The following ONECUT3 variants were observed in gnomAD, a reference collection of about 807,000 sequenced individuals.
ONECUT3 encodes one cut homeobox 3, also known as one cut domain family member 3.
In ONECUT3, 11 loss-of-function variants were observed where a neutral mutation model predicts 16.8. The observed-to-expected ratio is 0.66, with a 90% CI of 0.41 to 1.09. The LOEUF (loss-of-function observed/expected upper bound fraction) is 1.09. ONECUT3 is among the 50% of genes least tolerant of loss of function. The pLI is 0.00. For missense variants in ONECUT3, 637 were observed against 629.9 expected, an observed-to-expected ratio of 1.01 and a Z score of -0.12; for synonymous variants, 344 against 310.7, an observed-to-expected ratio of 1.11 and a Z score of -1.13.
chr19:1,758,735 G>A lies in ONECUT3; in HGVS notation c.1192+3881G>A, dbSNP rs1458178377. On this transcript the variant is annotated intron_variant, in intron 1 of 1. Transcript: ENST00000382349. The surrounding 1 kb of genome is among the most constrained non-coding windows in gnomAD (Gnocchi z 5.9). ...CTGGTCAAAGCTCTCCCCTGGCGCC[G>A]TCTCCAACAGTAATTATGGGAGAGG... 1.3e-5 allele frequency among the ~76,000 whole-genome samples: 2 copies of A among 150,340 alleles called. No individual in the cohort carries two copies. The highest frequency in any genetic ancestry group is 2.0e-4 in the East Asian group (1 of 5,068).
rs2068135116 is a variant in ONECUT3 at position 1,778,998 on chromosome 19, G to A, written c.*3553G>A. On this transcript the variant is annotated 3_prime_UTR_variant, in exon 2 of 2. Transcript: ENST00000382349. ...CCCGACCTGCCCGCCGGCCCCTCAG[G>A]CCCTCTCCTGCCTCCCCGCATGCCC... 1 of 151,780 alleles carries A rather than the reference G, an allele frequency of 6.6e-6. No individual in the cohort carries two copies. Among genetic ancestry groups the A allele is most frequent in the Non-Finnish European group, 1.5e-5 (1 of 68,086 alleles). The allele number at this position is 151,780 out of a possible 1,614,324, so 9.4% of individuals were successfully genotyped here.
Position 1,755,667 on chromosome 19 carries a change from A to G in ONECUT3, c.1192+813A>G, listed in dbSNP as rs1375998969. On this transcript the variant is annotated intron_variant, in intron 1 of 1. Transcript: ENST00000382349. The surrounding 1 kb of genome is among the most constrained non-coding windows in gnomAD (Gnocchi z 7.5). The stretch of plus-strand genomic sequence containing the variant: ...TTCTCTCCTCTCTCGGTCGGAACAC[A>G]CTGGTATCTCTATGTTTTTCTCTTG... Among the ~76,000 whole-genome samples, 1 of 151,958 alleles carries G rather than the reference A, an allele frequency of 6.6e-6. No homozygotes were observed. Among genetic ancestry groups the G allele is most frequent in the East Asian group, 1.9e-4 (1 of 5,174 alleles).
chr19:1,775,276 C>A lies in ONECUT3; in HGVS notation c.1316C>A (p.Pro439Gln). The A allele has an allele frequency of 1.2e-6, 2 of 1,603,548 alleles. No homozygotes were observed. The highest frequency in any genetic ancestry group is 1.7e-6 in the Non-Finnish European group (2 of 1,175,052). The change falls in exon 2 of 2, where the codon CCG becomes CAG. Residue 439 changes from proline (P) to glutamine (Q), a missense_variant. Around this residue, in one of 3 missense-constraint regions of ONECUT3, gnomAD observed 183 missense variants for 188.3 expected, o/e 0.97. Transcript: ENST00000382349. ...LIAIFKENKR[P>Q]SKEMQVTISQ... ...GCCATCTTCAAGGAGAACAAGCGGC[C>A]GTCCAAGGAGATGCAGGTCACCATC...
At position 1,753,999 on chromosome 19, in the gene ONECUT3, C is replaced by A. The variant is rs981852572; in HGVS notation, c.337C>A (p.His113Asn). ...CTACACGACGCTCACGCCCCTGCAG[C>A]ACCTGCCGCCGCTCGCGGCCGTGGC... Reference protein sequence around the residue: ...GTYTTLTPLQHLPPLAAVADK... With the variant: ...GTYTTLTPLQNLPPLAAVADK... The change falls in exon 1 of 2, where the codon CAC becomes AAC. Residue 113 changes from histidine to asparagine, a missense_variant. His to Asn is a moderately conservative substitution (Grantham distance 68, BLOSUM62 1). This residue lies in a region of ONECUT3 where 419 missense variants were observed against 377.9 expected (regional missense o/e 1.11). Coordinates refer to ENST00000382349, the MANE Select transcript of ONECUT3 (RefSeq NM_001080488.2). 88 of 994,370 alleles carry A rather than the reference C, an allele frequency of 8.8e-5. No homozygotes were observed. Among genetic ancestry groups the A allele is most frequent in the Non-Finnish European group, 1.0e-4 (84 of 837,198 alleles). 61.6% of individuals were successfully genotyped at this position (994,370 alleles called of 1,614,324 possible). A position where few individuals can be genotyped will look rare whatever the true frequency, so the allele number is the denominator to read the frequency against.
rs1338439132 is a variant in ONECUT3 at position 1,780,174 on chromosome 19, C to CT, written c.*4730dup. The CT allele has an allele frequency of 2.0e-5, 3 of 151,904 alleles. No homozygotes were observed. The highest frequency in any genetic ancestry group is 2.9e-5 in the Non-Finnish European group (2 of 68,104). 9.4% of individuals were successfully genotyped at this position (151,904 alleles called of 1,614,324 possible). A position where few individuals can be genotyped will look rare whatever the true frequency, so the allele number is the denominator to read the frequency against. On this transcript the variant is annotated 3_prime_UTR_variant, in exon 2 of 2. Transcript: ENST00000382349. ...CCCCAACAGCAGGCACCAGCACCCC[C>CT]TCCCCCCCCACCTCCACCCAGACAG...
At chr19:1,761,200 G>A (rs1227512301) in intron 1 of ONECUT3, among the ~76,000 whole-genome samples, 3 of 151,996 alleles carry the variant, frequency 2.0e-5, no homozygotes, top group South Asian at 2.1e-4. Context: ...TTACAGGCAT[G>A]AGCCACCACG....
In ONECUT3 at chr19:1,777,432, G is replaced by A. The variant is rs947563660; in HGVS notation, c.*1987G>A. 6 of 135,374 alleles carry A rather than the reference G, an allele frequency of 4.4e-5. No individual in the cohort carries two copies. The highest frequency in any genetic ancestry group is 7.8e-5 in the Non-Finnish European group (5 of 64,294). The allele number at this position is 135,374 out of a possible 1,614,324, so 8.4% of individuals were successfully genotyped here. A position where few individuals can be genotyped will look rare whatever the true frequency, so the allele number is the denominator to read the frequency against. On this transcript the variant is annotated 3_prime_UTR_variant, in exon 2 of 2. Transcript: ENST00000382349. ...CACACATGCAAAGACACGCATGCAG[G>A]CACACGCAGACGCACACAGAGACAC...
Position 1,764,800 on chromosome 19 carries a change from G to GT in ONECUT3, c.1192+9946_1192+9947insT, listed in dbSNP as rs1240338730. Among the ~76,000 whole-genome samples the GT allele has an allele frequency of 1.9e-4, 28 of 144,442 alleles. No individual in the cohort carries two copies. Among genetic ancestry groups the GT allele is most frequent in the African/African-American group, 2.8e-4 (10 of 35,942 alleles). The allele number at this position is 144,442 out of a possible 152,430, so 94.8% of individuals were successfully genotyped here. ...CTGACTCGAGTCTGGAGAGGCCACG[G>GT]GGGGGGGATGCGCAGGGGGGACAAG... On this transcript the variant is annotated intron_variant, in intron 1 of 1. Coordinates refer to ENST00000382349, the MANE Select transcript of ONECUT3 (RefSeq NM_001080488.2). The surrounding 1 kb of genome is among the most constrained non-coding windows in gnomAD (Gnocchi z 5.0).
rs1227715450 is a variant in ONECUT3 at position 1,777,830 on chromosome 19, T to TA, written c.*2390dup. ...CAACATGGTGAAACCCTGTCTCTAC[T>TA]AAAAATACAAAAAAATTAGCTGGGC... On this transcript the variant is annotated 3_prime_UTR_variant, in exon 2 of 2. Coordinates refer to ENST00000382349, the MANE Select transcript of ONECUT3 (RefSeq NM_001080488.2). The TA allele has an allele frequency of 4.0e-5, 6 of 151,790 alleles. No homozygotes were observed. The allele number at this position is 151,790 out of a possible 1,614,324, so 9.4% of individuals were successfully genotyped here. A position where few individuals can be genotyped will look rare whatever the true frequency, so the allele number is the denominator to read the frequency against.
chr19:1,753,775 T>C lies in ONECUT3; in HGVS notation c.113T>C (p.Leu38Pro). The stretch of plus-strand genomic sequence containing the variant: ...TCGGCGGCGGCGCAGCACCGCGGCC[T>C]GGTGGCGCCCGGGCGCCCGGGCCTG... ...ARSAAAQHRG[L>P]VAPGRPGLVA... Residue 38 changes from leucine (L) to proline (P), a missense_variant, in exon 1 of 2, where the codon CTG (leucine) becomes CCG (proline). Leu to Pro is a moderately conservative substitution (Grantham distance 98, BLOSUM62 -3). Around this residue, in one of 3 missense-constraint regions of ONECUT3, gnomAD observed 419 missense variants for 377.9 expected, o/e 1.11. Coordinates refer to ENST00000382349, the MANE Select transcript of ONECUT3 (RefSeq NM_001080488.2). 1 of 973,174 alleles carries C rather than the reference T, an allele frequency of 1.0e-6. No individual in the cohort carries two copies. The highest frequency in any genetic ancestry group is 1.2e-6 in the Non-Finnish European group (1 of 822,114). The allele number at this position is 973,174 out of a possible 1,614,324, so 60.3% of individuals were successfully genotyped here. A position where few individuals can be genotyped will look rare whatever the true frequency, so the allele number is the denominator to read the frequency against.
Position 1,766,064 on chromosome 19 carries a change from C to T in ONECUT3, c.1193-9089C>T, listed in dbSNP as rs1568597051. ...CCCCACAAGCTGATGCCGGTTTTCC[C>T]GCCCAGAACTGGAACAGCTTTCCTA... On this transcript the variant is annotated intron_variant, in intron 1 of 1. Transcript: ENST00000382349. The surrounding 1 kb of genome is among the most constrained non-coding windows in gnomAD (Gnocchi z 4.0). 6.6e-6 allele frequency among the ~76,000 whole-genome samples: 1 copy of T among 152,238 alleles called. No homozygotes were observed. The highest frequency in any genetic ancestry group is 1.5e-5 in the Non-Finnish European group (1 of 68,046).
intron 1 of ONECUT3, among the ~76,000 whole-genome samples, chr19:1,772,472 G>A (rs1242032360): frequency 2.0e-5 from 3 of 152,208 alleles, no homozygotes; most frequent in Admixed American, 1.3e-4. Context: ...TTACAGGCAT[G>A]AGCCACTGCA....
intron 1 of ONECUT3, among the ~76,000 whole-genome samples, chr19:1,767,896 C>A (rs939240085): frequency 3.3e-5 from 5 of 152,194 alleles, no homozygotes; most frequent in Admixed American, 2.6e-4. Context: ...GATCTCTGAT[C>A]TCCTCCCAGG....
intron 1 of ONECUT3, among the ~76,000 whole-genome samples, chr19:1,774,939 C>T (rs78492185): frequency 0.046 from 6,960 of 152,162 alleles, 539 homozygotes; most frequent in African/African-American, 0.16. Flanking sequence ...CTCTGTGCGT[C>T]CCTGTGTTCC....
chr19:1,772,884 T>TA (rs976497219), intron 1 of ONECUT3, among the ~76,000 whole-genome samples: 13 of 124,558 alleles, frequency 1.0e-4, no homozygotes, highest in Non-Finnish European at 2.1e-4. Flanking sequence ...TTTTTTTTTT[T>TA]AGTAGAGACA....
At chr19:1,757,909 G>C (rs1226806657) in intron 1 of ONECUT3, among the ~76,000 whole-genome samples, 1 of 152,178 alleles carries the variant, frequency 6.6e-6, no homozygotes, top group Non-Finnish European at 1.5e-5. Flanking sequence ...CGCAGCAGAG[G>C]ACTCGCCGCC....
rs2145958372 is a variant in ONECUT3, at chr19:1,759,527, G to A, written c.1192+4673G>A. Among the ~76,000 whole-genome samples, 1 of 152,138 alleles carries A rather than the reference G, an allele frequency of 6.6e-6. No individual in the cohort carries two copies. The highest frequency in any genetic ancestry group is 1.9e-4 in the East Asian group (1 of 5,160). On this transcript the variant is annotated intron_variant, in intron 1 of 1. Transcript: ENST00000382349. This position sits in a 1 kb window ranked among gnomAD's most constrained non-coding sequence, Gnocchi z 4.1. ...GAAGGGAGGGAAGGAAGGGGAGAGA[G>A]GAGAGAGGGAAAGACCCCTGTGCCT...
chr19:1,757,136 G>C (rs573222292), intron 1 of ONECUT3, among the ~76,000 whole-genome samples: 3 of 152,070 alleles, frequency 2.0e-5, no homozygotes, highest in East Asian at 3.9e-4. Flanking sequence ...GTCCCATGGG[G>C]GGGGGGTGGG....
At chr19:1,769,480 C>G (rs1220739749) in intron 1 of ONECUT3, among the ~76,000 whole-genome samples, 2 of 152,080 alleles carry the variant, frequency 1.3e-5, no homozygotes, top group Admixed American at 6.5e-5. Context: ...CACTCTGAAC[C>G]CCATCAGTCC....
Sources: gnomAD v4.1 joint callset for allele counts (sites outside exome capture counted in the v4.1 genomes callset) on GRCh38, gnomAD v4.1.1 for gene constraint, gnomAD v4.1.1 regional missense constraint, Gnocchi (gnomAD v3.1) non-coding constraint, MANE v1.5 for transcripts, NCBI Gene and HGNC (gene_info 2026-07-23, HGNC 2026-07-21) for gene names.